The following ASCC1 variants were observed in gnomAD, a reference collection of about 807,000 sequenced individuals.
ASCC1 encodes activating signal cointegrator 1 complex subunit 1.
ASCC1 carries 35 observed loss-of-function variants against 46.6 expected under a neutral mutation model. The observed-to-expected ratio is 0.75, with a 90% CI of 0.57 to 0.99. The LOEUF (loss-of-function observed/expected upper bound fraction) is 0.99, where lower values mean the gene tolerates loss of function less well. Among genes scored for constraint, ASCC1 ranks in the 50% least tolerant of loss-of-function variants. The pLI, the probability that ASCC1 is intolerant of heterozygous loss-of-function variation, is 0.00. For missense variants in ASCC1, 376 were observed against 428.7 expected (o/e 0.88, Z 1.09); for synonymous variants, 143 against 146.6 (o/e 0.98, Z 0.18).
At chr10:72,130,182 TG>T (rs1845426290) in intron 8 of ASCC1, among the ~76,000 whole-genome samples, 1 of 151,948 alleles carries the variant, frequency 6.6e-6, no homozygotes, top group Non-Finnish European at 1.5e-5. Flanking sequence ...AGGCAAGTGG[TG>T]CCTAGGGCTT....
intron 4 of ASCC1, among the ~76,000 whole-genome samples, chr10:72,200,336 G>A (rs921810738): frequency 6.6e-6 from 1 of 151,930 alleles, no homozygotes; most frequent in African/African-American, 2.4e-5. Context: ...TTTTTTGAAA[G>A]CATGTATTAA....
chr10:72,178,498 C>A (rs1309125911), intron 5 of ASCC1, among the ~76,000 whole-genome samples: 1 of 152,162 alleles, frequency 6.6e-6, no homozygotes, highest in African/African-American at 2.4e-5. Flanking sequence ...AGTCACGTGT[C>A]AAGGAAACGG....
intron 3 of ASCC1, among the ~76,000 whole-genome samples, chr10:72,208,316 AT>A (rs10708653): frequency 0.17 from 24,822 of 143,406 alleles, 4,867 homozygotes; most frequent in African/African-American, 0.49. Context: ...TGTTACACTG[AT>A]TTTTTTTTTT....
At chr10:72,139,892 C>A (rs1846756239) in intron 7 of ASCC1, among the ~76,000 whole-genome samples, 2 of 152,110 alleles carry the variant, frequency 1.3e-5, no homozygotes, top group African/African-American at 4.8e-5. Context: ...AATAGATCTA[C>A]AATCCACTAA....
chr10:72,149,523 C>T (rs1298106051), intron 7 of ASCC1, among the ~76,000 whole-genome samples: 1 of 147,398 alleles, frequency 6.8e-6, no homozygotes, highest in Non-Finnish European at 1.5e-5. Flanking sequence ...TTAATTTCTA[C>T]TCAGGTAAAT....
chr10:72,125,262 G>C (rs1053937462), intron 9 of ASCC1, among the ~76,000 whole-genome samples: 3 of 151,556 alleles, frequency 2.0e-5, no homozygotes, highest in East Asian at 3.9e-4. Flanking sequence ...TTTTTTCTAA[G>C]GCTGCCTCCC....
chr10:72,210,928 G>T, intron 2 of ASCC1, 97 bp from the exon 3 acceptor site: 1 of 1,069,944 alleles, frequency 9.3e-7, no homozygotes, highest in Non-Finnish European at 1.4e-6. Context: ...TTTAAAAAAA[G>T]CAATACACAG....
intron 7 of ASCC1, among the ~76,000 whole-genome samples, chr10:72,152,003 T>C (rs1318162178): frequency 2.7e-5 from 4 of 150,390 alleles, no homozygotes; most frequent in Non-Finnish European, 5.9e-5. Flanking sequence ...TTTTTTTTTT[T>C]TTTTTTGAGA....
intron 9 of ASCC1, among the ~76,000 whole-genome samples, chr10:72,123,005 T>C (rs1410447742): frequency 6.6e-6 from 1 of 151,964 alleles, no homozygotes; most frequent in Admixed American, 6.6e-5. Context: ...AAGAACAAAT[T>C]AAATCCAAAT....
At chr10:72,118,868 A>C (rs1015911792) in intron 9 of ASCC1, among the ~76,000 whole-genome samples, 2 of 152,206 alleles carry the variant, frequency 1.3e-5, no homozygotes, top group African/African-American at 4.8e-5. Context: ...CTTTTTTTAA[A>C]AGCTACAAGA....
intron 7 of ASCC1, among the ~76,000 whole-genome samples, chr10:72,143,728 T>C (rs1020441806): frequency 6.6e-6 from 1 of 151,208 alleles, no homozygotes; most frequent in African/African-American, 2.4e-5. Flanking sequence ...TAAAACTTGC[T>C]CATGGTTAAA....
chr10:72,155,627 T>C (rs1002175508), intron 6 of ASCC1, among the ~76,000 whole-genome samples: 1 of 152,252 alleles, frequency 6.6e-6, no homozygotes, highest in Admixed American at 6.5e-5. Context: ...GTGGTAAGAT[T>C]ACAAAATGAT....
upstream of ASCC1, chr10:72,216,996 A>G (rs192564304): frequency 3.8e-3 from 1,715 of 455,182 alleles, 25 homozygotes; most frequent in South Asian, 0.019. Flanking sequence ...GCGCTTCTCT[A>G]TCTCCTGCAT....
At chr10:72,154,065 C>A (rs554411642) in intron 6 of ASCC1, among the ~76,000 whole-genome samples, 3 of 152,148 alleles carry the variant, frequency 2.0e-5, no homozygotes, top group African/African-American at 7.2e-5. Flanking sequence ...TTATGAGAAG[C>A]CTTCATCAAT....
intron 5 of ASCC1, among the ~76,000 whole-genome samples, chr10:72,172,339 C>T (rs961836139): frequency 4.1e-5 from 6 of 146,128 alleles, no homozygotes; most frequent in African/African-American, 7.6e-5. Context: ...CGCTTGAACC[C>T]GGAAGGCAGA....
chr10:72,113,252 T>G (rs1383882819), intron 9 of ASCC1, among the ~76,000 whole-genome samples: 1 of 152,238 alleles, frequency 6.6e-6, no homozygotes, highest in African/African-American at 2.4e-5. Flanking sequence ...TTCTTGCTAT[T>G]GTGCTGGCTG....
intron 6 of ASCC1, among the ~76,000 whole-genome samples, chr10:72,155,048 A>T (rs1001173204): frequency 3.3e-5 from 5 of 152,214 alleles, no homozygotes; most frequent in Admixed American, 3.3e-4. Context: ...GGTTTACAAC[A>T]ATGTGCATGC....
intron 5 of ASCC1, among the ~76,000 whole-genome samples, chr10:72,195,732 G>A (rs1855314837): frequency 6.6e-6 from 1 of 151,734 alleles, no homozygotes; most frequent in South Asian, 2.1e-4. Flanking sequence ...TACTCAGGAG[G>A]CTGAGATAGG....
At position 72,096,392 on chromosome 10, in the gene ASCC1, A is replaced by C. The variant is rs757478110; in HGVS notation, c.*942T>G. On this transcript the variant is annotated 3_prime_UTR_variant, in exon 10 of 10. Coordinates refer to ENST00000672957, the MANE Select transcript of ASCC1 (RefSeq NM_001198800.3). ...TGCTGCTGCCTTGAAAAGTAAACAA[A>C]AAAGGGCTGCAACACTGCAACTCCA... The C allele has an allele frequency of 2.4e-5, 11 of 454,012 alleles. No individual in the cohort carries two copies. Among genetic ancestry groups the C allele is most frequent in the South Asian group, 3.1e-5 (2 of 64,482 alleles). The allele number at this position is 454,012 out of a possible 1,614,324, so 28.1% of individuals were successfully genotyped here. A position where few individuals can be genotyped will look rare whatever the true frequency, so the allele number is the denominator to read the frequency against.
Sources: allele counts gnomAD v4.1 joint callset (sites outside exome capture counted in the v4.1 genomes callset), GRCh38; gene constraint gnomAD v4.1.1; transcripts MANE v1.5; gene names NCBI Gene and HGNC (gene_info 2026-07-23, HGNC 2026-07-21).